Variants in PLGRKT observed in about 807,000 individuals in gnomAD.
PLGRKT encodes plasminogen receptor (KT).
In PLGRKT, 22 loss-of-function variants were observed where a neutral mutation model predicts 18.5. That is an observed-to-expected ratio of 1.19 (90% CI 0.85 to 1.70). The LOEUF (loss-of-function observed/expected upper bound fraction) is 1.70. PLGRKT is among the 40% of genes most tolerant of loss of function. The pLI is 0.00. For missense variants in PLGRKT, 235 were observed against 174.4 expected, an observed-to-expected ratio of 1.35 and a Z score of -1.96; for synonymous variants, 72 against 52.8, an observed-to-expected ratio of 1.36 and a Z score of -1.58.
At chr9:5,370,230 A>C (rs1817487452) in intron 3 of PLGRKT, among the ~76,000 whole-genome samples, 1 of 152,170 alleles carries the variant, frequency 6.6e-6, no homozygotes, top group South Asian at 2.1e-4. Flanking sequence ...CTTTGTTTAA[A>C]AAATATTAAG....
chr9:5,407,122 C>G (rs1406306737), intron 3 of PLGRKT, among the ~76,000 whole-genome samples: 1 of 152,024 alleles, frequency 6.6e-6, no homozygotes, highest in Non-Finnish European at 1.5e-5. Flanking sequence ...CTTTGGAGTA[C>G]ATAATTTTAT....
intron 5 of PLGRKT, among the ~76,000 whole-genome samples, chr9:5,359,089 G>T: frequency 6.8e-6 from 1 of 147,316 alleles, no homozygotes; most frequent in Non-Finnish European, 1.5e-5. Flanking sequence ...TTGAGACAGT[G>T]TCTAGCTCTG....
chr9:5,406,869 C>A (rs1818267810), intron 3 of PLGRKT, among the ~76,000 whole-genome samples: 1 of 151,780 alleles, frequency 6.6e-6, no homozygotes. Flanking sequence ...CCACTTGTAC[C>A]CAAAAGCTAT....
chr9:5,407,525 CA>C (rs1406433383), intron 3 of PLGRKT, among the ~76,000 whole-genome samples: 4 of 152,034 alleles, frequency 2.6e-5, no homozygotes, highest in Non-Finnish European at 5.9e-5. Context: ...GGCATATTGT[CA>C]GGGCTTTAAA....
intron 3 of PLGRKT, among the ~76,000 whole-genome samples, chr9:5,431,269 C>T (rs1818816272): frequency 6.6e-6 from 1 of 152,158 alleles, no homozygotes. Flanking sequence ...GCCAGGCACA[C>T]ATACCTGTAA....
chr9:5,387,475 G>A (rs1817865987), intron 3 of PLGRKT, among the ~76,000 whole-genome samples: 1 of 151,878 alleles, frequency 6.6e-6, no homozygotes, highest in Non-Finnish European at 1.5e-5. Flanking sequence ...AAAAAATAAT[G>A]TATTACTTCT....
At chr9:5,398,996 G>A (rs576025391) in intron 3 of PLGRKT, among the ~76,000 whole-genome samples, 1,823 of 151,554 alleles carry the variant, frequency 0.012, 61 homozygotes, top group African/African-American at 0.043. Context: ...GTTACTCATA[G>A]ATAACTTTTT....
chr9:5,399,607 C>T (rs1420370457), intron 3 of PLGRKT, among the ~76,000 whole-genome samples: 1 of 151,780 alleles, frequency 6.6e-6, no homozygotes, highest in Non-Finnish European at 1.5e-5. Context: ...AAATATCTAA[C>T]CTAATAAAAT....
chr9:5,403,015 T>C (rs1271900188), intron 3 of PLGRKT, among the ~76,000 whole-genome samples: 2 of 151,932 alleles, frequency 1.3e-5, no homozygotes, highest in East Asian at 1.9e-4. Flanking sequence ...AAAAATAGTA[T>C]TCTCCCCTGG....
At chr9:5,402,656 T>A (rs1818177356) in intron 3 of PLGRKT, among the ~76,000 whole-genome samples, 1 of 151,842 alleles carries the variant, frequency 6.6e-6, no homozygotes, top group Non-Finnish European at 1.5e-5. Context: ...AGGAGCCAGG[T>A]GGGCAGGTTG....
intron 3 of PLGRKT, among the ~76,000 whole-genome samples, chr9:5,366,107 T>C (rs1817380814): frequency 6.6e-6 from 1 of 152,168 alleles, no homozygotes; most frequent in Non-Finnish European, 1.5e-5. Context: ...TTTAAATTCA[T>C]AGGTCTATAT....
chr9:5,406,740 T>C (rs2131136686), intron 3 of PLGRKT, among the ~76,000 whole-genome samples: 1 of 152,242 alleles, frequency 6.6e-6, no homozygotes, highest in Admixed American at 6.5e-5. Context: ...ATGCACATCC[T>C]ACACATATAC....
At position 5,431,985 on chromosome 9, in the gene PLGRKT, TA is replaced by T; in HGVS notation, c.-6-3del. On this transcript the variant is annotated splice_polypyrimidine_tract_variant and splice_region_variant and intron_variant, in intron 2 of 5. Coordinates refer to ENST00000223864, the MANE Select transcript of PLGRKT (RefSeq NM_018465.4). The stretch of plus-strand genomic sequence containing the variant: ...TGAAAATATAAACCCCATTTTGACC[TA>T]AAATGTAAAAAAAGCAAGGAGACTT... The T allele has an allele frequency of 7.5e-7, 1 of 1,339,204 alleles. No individual in the cohort carries two copies. The highest frequency in any genetic ancestry group is 1.1e-6 in the Non-Finnish European group (1 of 933,374). 83.0% of individuals were successfully genotyped at this position (1,339,204 alleles called of 1,614,324 possible).
Position 5,413,283 on chromosome 9 carries a change from G to C in PLGRKT, c.81+18614C>G, listed in dbSNP as rs1461424137. On this transcript the variant is annotated intron_variant, in intron 3 of 5. Transcript: ENST00000223864. Reference sequence around the variant, plus strand: ...ATTCATTGAAGCACTGTTTGTAATAGCAAAATATTGGAAATAACCTAAGTA... The same window carrying C: ...ATTCATTGAAGCACTGTTTGTAATACCAAAATATTGGAAATAACCTAAGTA... Among the ~76,000 whole-genome samples the C allele has an allele frequency of 3.3e-5, 5 of 152,164 alleles. No individual in the cohort carries two copies. The East Asian group carries it at 9.6e-4, about 29-fold the overall frequency.
At chr9:5,422,791 G>C (rs1456930083) in intron 3 of PLGRKT, among the ~76,000 whole-genome samples, 1 of 152,114 alleles carries the variant, frequency 6.6e-6, no homozygotes, top group Admixed American at 6.6e-5. Flanking sequence ...AAAGGCAAAG[G>C]AAGATGGAAT....
chr9:5,371,057 A>G (rs1312074755), intron 3 of PLGRKT, among the ~76,000 whole-genome samples: 1 of 152,232 alleles, frequency 6.6e-6, no homozygotes, highest in Non-Finnish European at 1.5e-5. Context: ...ATATCTTCCA[A>G]TAAAGATTAC....
rs1181992723 is a variant in PLGRKT, at chr9:5,406,452, C to T, written c.81+25445G>A. 2.0e-5 allele frequency among the ~76,000 whole-genome samples: 3 copies of T among 152,296 alleles called. No homozygotes were observed. The South Asian group carries it at 6.2e-4, about 32-fold the overall frequency. ...CCATAAAAAGGAACAAGATCATGTCCTTTGCAGGGCAATGGATGAAGCTGG... is the reference window on the plus strand; with the variant it reads ...CCATAAAAAGGAACAAGATCATGTCTTTTGCAGGGCAATGGATGAAGCTGG... On this transcript the variant is annotated intron_variant, in intron 3 of 5. Transcript: ENST00000223864.
intron 3 of PLGRKT, among the ~76,000 whole-genome samples, chr9:5,414,703 G>A (rs1007931774): frequency 2.0e-5 from 3 of 152,142 alleles, no homozygotes; most frequent in African/African-American, 7.2e-5. Context: ...TGCAAATAAC[G>A]TCCTCTGGTT....
intron 3 of PLGRKT, among the ~76,000 whole-genome samples, chr9:5,378,169 T>TA (rs1182170895): frequency 6.6e-5 from 10 of 152,090 alleles, no homozygotes; most frequent in African/African-American, 2.2e-4. Context: ...CTACCAGACA[T>TA]TTGAGGGAAA....
Sources: gnomAD v4.1 joint callset for allele counts (sites outside exome capture counted in the v4.1 genomes callset) on GRCh38, gnomAD v4.1.1 for gene constraint, MANE v1.5 for transcripts, NCBI Gene and HGNC (gene_info 2026-07-23, HGNC 2026-07-21) for gene names.